The following FKBP1A variants were observed in gnomAD, a reference collection of about 807,000 sequenced individuals.
The protein encoded by FKBP1A is peptidyl-prolyl cis-trans isomerase FKBP1A.
FKBP1A carries 5 observed loss-of-function variants against 14.2 expected under a neutral mutation model. That is an observed-to-expected ratio of 0.35 (90% CI 0.18 to 0.74). FKBP1A has a LOEUF of 0.74. Among genes scored for constraint, FKBP1A ranks in the 30% least tolerant of loss-of-function variants. The probability of loss-of-function intolerance (pLI) is 0.56; values close to 1 mark genes in which losing one functional copy is unlikely to be tolerated. For missense variants in FKBP1A, 53 were observed against 138.8 expected, an observed-to-expected ratio of 0.38 and a Z score of 3.10; for synonymous variants, 42 against 49.1, an observed-to-expected ratio of 0.86 and a Z score of 0.60.
At chr20:1,383,480 CT>C (rs768009233) in intron 2 of FKBP1A, among the ~76,000 whole-genome samples, 3 of 151,934 alleles carry the variant, frequency 2.0e-5, no homozygotes, top group Non-Finnish European at 4.4e-5. Context: ...AGGATTTCTA[CT>C]TTCAACACGC....
At chr20:1,378,107 C>T (rs60669872) in intron 2 of FKBP1A, 17,770 of 152,184 alleles carry the variant, frequency 0.12, 1,288 homozygotes, top group African/African-American at 0.19. Context: ...AGGAAAGTCC[C>T]ACCTCATTAG....
At chr20:1,384,107 C>T (rs2089646025) in intron 2 of FKBP1A, among the ~76,000 whole-genome samples, 1 of 152,172 alleles carries the variant, frequency 6.6e-6, no homozygotes, top group Non-Finnish European at 1.5e-5. Flanking sequence ...ATGCTTTAGT[C>T]TCTAGCTCAT....
intron 3 of FKBP1A, among the ~76,000 whole-genome samples, chr20:1,373,527 A>G (rs967859938): frequency 7.9e-5 from 12 of 152,224 alleles, no homozygotes; most frequent in African/African-American, 2.4e-4. Context: ...GTGAAAAAAT[A>G]TGCTATGAAG....
At chr20:1,370,295 C>G (rs193254270) in intron 4 of FKBP1A, 18 of 985,448 alleles carry the variant, frequency 1.8e-5, no homozygotes, top group Non-Finnish European at 2.0e-5. Context: ...TTTGTTTAAT[C>G]TAAGGTTAAG....
rs142477013 is a variant in FKBP1A, at chr20:1,379,148, C to T, written c.86-3545G>A. On this transcript the variant is annotated intron_variant, in intron 2 of 4. Coordinates refer to ENST00000400137, the MANE Select transcript of FKBP1A (RefSeq NM_000801.5). This position sits in a 1 kb window ranked among gnomAD's most constrained non-coding sequence, Gnocchi z 4.3. ...AACACGGCTCTGACCTGTGCAAGATCGTATTTTGATTGCAGTGAAAGCCAC... is the reference window on the plus strand; with the variant it reads ...AACACGGCTCTGACCTGTGCAAGATTGTATTTTGATTGCAGTGAAAGCCAC... 9.2e-5 allele frequency among the ~76,000 whole-genome samples: 14 copies of T among 152,290 alleles called. No individual in the cohort carries two copies. Among genetic ancestry groups the T allele is most frequent in the Admixed American group, 1.3e-4 (2 of 15,290 alleles).
At chr20:1,376,725 T>C (rs2089549494) in intron 2 of FKBP1A, 1 of 150,684 alleles carries the variant, frequency 6.6e-6, no homozygotes, top group Non-Finnish European at 1.5e-5. Flanking sequence ...ATAGTAAATT[T>C]ATAATTTAGT....
At chr20:1,385,554 A>G (rs923737282) in intron 2 of FKBP1A, among the ~76,000 whole-genome samples, 9 of 151,990 alleles carry the variant, frequency 5.9e-5, no homozygotes, top group African/African-American at 2.2e-4. Context: ...TTGCTCTCCT[A>G]CAGTCTAAAC....
intron 3 of FKBP1A, 84 bp from the exon 4 acceptor site, chr20:1,372,324 T>G: frequency 1.4e-6 from 2 of 1,451,798 alleles, no homozygotes; most frequent in Non-Finnish European, 1.9e-6. Context: ...TACCTAGGTG[T>G]TCCTTGGCCA....
At chr20:1,373,117 G>A (rs749835534) in intron 3 of FKBP1A, 8 of 152,222 alleles carry the variant, frequency 5.3e-5, no homozygotes, top group Non-Finnish European at 8.8e-5. Context: ...GCTGTGAAGC[G>A]TCTAGTCCTT....
intron 4 of FKBP1A, chr20:1,370,878 G>A (rs2089454665): frequency 3.0e-6 from 3 of 985,322 alleles, no homozygotes; most frequent in South Asian, 9.4e-5. Flanking sequence ...CAGACCTCTG[G>A]GCAGACAAAG....
In FKBP1A at chr20:1,369,681, A is replaced by G. The variant is rs1210091172; in HGVS notation, c.*428T>C. 1 of 194,084 alleles carries G rather than the reference A, an allele frequency of 5.2e-6. No individual in the cohort carries two copies. Among genetic ancestry groups the G allele is most frequent in the African/African-American group, 2.4e-5 (1 of 41,924 alleles). The allele number at this position is 194,084 out of a possible 1,614,324, so 12.0% of individuals were successfully genotyped here. A position where few individuals can be genotyped will look rare whatever the true frequency, so the allele number is the denominator to read the frequency against. On this transcript the variant is annotated 3_prime_UTR_variant, in exon 5 of 5. Coordinates refer to ENST00000400137, the MANE Select transcript of FKBP1A (RefSeq NM_000801.5). ...CAAGAATGTTTAATATATAATAGAT[A>G]AAAATTTCATCCAAAAAATTAAAAT...
chr20:1,389,574 G>T (rs1402841672), intron 2 of FKBP1A, among the ~76,000 whole-genome samples: 2 of 152,344 alleles, frequency 1.3e-5, no homozygotes, highest in East Asian at 3.9e-4. Context: ...AGGACATGAG[G>T]TTGAGGGGCT....
chr20:1,390,366 G>C (rs966659334), intron 2 of FKBP1A, among the ~76,000 whole-genome samples: 1 of 143,642 alleles, frequency 7.0e-6, no homozygotes, highest in East Asian at 2.0e-4. Context: ...GGAGGGGGGA[G>C]GGGGGACGGG....
chr20:1,375,449 G>T (rs968850297), intron 3 of FKBP1A, 42 bp downstream of exon 3: 5 of 1,408,538 alleles, frequency 3.5e-6, no homozygotes, highest in Admixed American at 1.7e-5. Context: ...AATATAAAAG[G>T]TAAATACTAG....
chr20:1,380,468 A>AC (rs1206219453), intron 2 of FKBP1A, among the ~76,000 whole-genome samples: 2 of 152,006 alleles, frequency 1.3e-5, no homozygotes, highest in Admixed American at 6.6e-5. Context: ...AGTGCTTACT[A>AC]CCCCCCGGTC....
intron 2 of FKBP1A, among the ~76,000 whole-genome samples, chr20:1,380,206 G>A (rs1363297392): frequency 1.3e-5 from 2 of 152,064 alleles, no homozygotes; most frequent in Admixed American, 1.3e-4. Context: ...GGGAAACAAG[G>A]GCAGCCCTAT....
At chr20:1,383,446 C>T (rs2089637537) in intron 2 of FKBP1A, among the ~76,000 whole-genome samples, 1 of 151,826 alleles carries the variant, frequency 6.6e-6, no homozygotes, top group African/African-American at 2.4e-5. Context: ...AAAGTCCTTG[C>T]CATTTACAGT....
At chr20:1,389,800 G>A (rs941286268) in intron 2 of FKBP1A, among the ~76,000 whole-genome samples, 1 of 152,226 alleles carries the variant, frequency 6.6e-6, no homozygotes, top group African/African-American at 2.4e-5. Flanking sequence ...CAGTAAAGAT[G>A]ACGAAGCTAC....
At position 1,379,578 on chromosome 20, in the gene FKBP1A, G is replaced by A. The variant is rs561232811; in HGVS notation, c.86-3975C>T. ...GATCTTAATTTTCCTATGCTATTTT[G>A]GATGCTCTGTTGTCCCTGGGAAAGG... On this transcript the variant is annotated intron_variant, in intron 2 of 4. Coordinates refer to ENST00000400137, the MANE Select transcript of FKBP1A (RefSeq NM_000801.5). The surrounding 1 kb of genome is among the most constrained non-coding windows in gnomAD (Gnocchi z 4.3). Among the ~76,000 whole-genome samples the A allele has an allele frequency of 6.6e-6, 1 of 152,250 alleles. No individual in the cohort carries two copies. The highest frequency in any genetic ancestry group is 2.1e-4 in the South Asian group (1 of 4,820).
Sources: gnomAD v4.1 joint callset for allele counts (sites outside exome capture counted in the v4.1 genomes callset) on GRCh38, gnomAD v4.1.1 for gene constraint, Gnocchi (gnomAD v3.1) non-coding constraint, MANE v1.5 for transcripts, NCBI Gene and HGNC (gene_info 2026-07-23, HGNC 2026-07-21) for gene names.